The following HIKESHI variants were observed in gnomAD, a reference collection of about 807,000 sequenced individuals.
HIKESHI encodes heat shock protein nuclear import factor hikeshi.
HIKESHI carries 13 observed loss-of-function variants against 25.7 expected under a neutral mutation model. The observed-to-expected ratio is 0.51, with a 90% CI of 0.33 to 0.80. The LOEUF (loss-of-function observed/expected upper bound fraction) is 0.80. Ranked by LOEUF, HIKESHI falls within the 30% of genes least tolerant of loss-of-function variation. The pLI is 0.02. For missense variants in HIKESHI, 174 were observed against 229.5 expected (o/e 0.76, Z 1.56); for synonymous variants, 76 against 78.7 (o/e 0.97, Z 0.18).
Position 86,338,637 on chromosome 11 carries a change from C to A in HIKESHI, c.420+1107C>A, listed in dbSNP as rs376986579. 3.9e-5 allele frequency among the ~76,000 whole-genome samples: 6 copies of A among 152,302 alleles called. No homozygotes were observed. The East Asian group carries it at 1.2e-3, about 29-fold the overall frequency. On this transcript the variant is annotated intron_variant, in intron 3 of 4. Transcript: ENST00000278483. ...ACCATATGTGTTTGCCTGGCAGTACCAGAGGCGCACTTTTGAAGGTTGTGG... is the reference window on the plus strand; with the variant it reads ...ACCATATGTGTTTGCCTGGCAGTACAAGAGGCGCACTTTTGAAGGTTGTGG...
At chr11:86,307,810 A>G (rs1388227813) in intron 2 of HIKESHI, among the ~76,000 whole-genome samples, 1 of 119,188 alleles carries the variant, frequency 8.4e-6, no homozygotes, top group Non-Finnish European at 1.6e-5. Context: ...TATATAAAAT[A>G]TATATTATGT....
At chr11:86,338,181 C>A (rs1947621201) in intron 3 of HIKESHI, among the ~76,000 whole-genome samples, 1 of 152,126 alleles carries the variant, frequency 6.6e-6, no homozygotes, top group Non-Finnish European at 1.5e-5. Context: ...ATTTTCCCTT[C>A]CCCTCCACTC....
At chr11:86,338,460 G>A (rs1160869909) in intron 3 of HIKESHI, among the ~76,000 whole-genome samples, 5 of 152,196 alleles carry the variant, frequency 3.3e-5, no homozygotes, top group Non-Finnish European at 7.3e-5. Flanking sequence ...TAGATGTGGT[G>A]ATGAGAACTT....
At chr11:86,307,415 T>C (rs1198871294) in intron 2 of HIKESHI, among the ~76,000 whole-genome samples, 1 of 133,488 alleles carries the variant, frequency 7.5e-6, no homozygotes, top group East Asian at 2.2e-4. Context: ...TATATATCAA[T>C]ATATTATGTG....
At chr11:86,315,978 T>TA (rs1010402442) in intron 2 of HIKESHI, among the ~76,000 whole-genome samples, 12 of 151,856 alleles carry the variant, frequency 7.9e-5, no homozygotes, top group African/African-American at 2.9e-4. Flanking sequence ...GTAATCCTAT[T>TA]AAAAATGTAA....
chr11:86,319,261 C>G (rs1178954220), intron 2 of HIKESHI, among the ~76,000 whole-genome samples: 1 of 68,556 alleles, frequency 1.5e-5, no homozygotes, highest in East Asian at 7.7e-4. Context: ...TTTTTTGAGA[C>G]CAGTCTCACT....
chr11:86,320,053 C>T (rs1444781664), intron 2 of HIKESHI, among the ~76,000 whole-genome samples: 1 of 152,130 alleles, frequency 6.6e-6, no homozygotes, highest in Non-Finnish European at 1.5e-5. Context: ...TTCATTCTTT[C>T]TCTTTATGTA....
intron 4 of HIKESHI, 142 bp downstream of exon 4, chr11:86,344,863 A>G (rs1463080357): frequency 1.2e-5 from 7 of 568,420 alleles, no homozygotes; most frequent in African/African-American, 3.8e-5. Flanking sequence ...AGTATGTACT[A>G]TAGAGATCTG....
intron 2 of HIKESHI, among the ~76,000 whole-genome samples, chr11:86,315,345 A>G (rs1299861720): frequency 7.0e-6 from 1 of 142,648 alleles, no homozygotes; most frequent in East Asian, 2.1e-4. Context: ...TTTTTGAGTC[A>G]GTTTCGCTCT....
intron 1 of HIKESHI, among the ~76,000 whole-genome samples, chr11:86,304,855 C>T (rs1946581358): frequency 1.3e-5 from 2 of 151,610 alleles, no homozygotes; most frequent in Non-Finnish European, 2.9e-5. Flanking sequence ...ATGAGTATGT[C>T]CATGAATGAC....
intron 3 of HIKESHI, among the ~76,000 whole-genome samples, chr11:86,340,380 C>T (rs896351298): frequency 2.6e-5 from 4 of 152,140 alleles, no homozygotes; most frequent in Non-Finnish European, 4.4e-5. Flanking sequence ...AGTGTAAAAG[C>T]GTTCCTATTT....
At chr11:86,336,648 T>G (rs1317239100) in intron 2 of HIKESHI, among the ~76,000 whole-genome samples, 1 of 152,230 alleles carries the variant, frequency 6.6e-6, no homozygotes, top group African/African-American at 2.4e-5. Flanking sequence ...TGTTTTGTTA[T>G]AGCAGCCTGA....
chr11:86,335,384 T>C (rs1947528239), intron 2 of HIKESHI, among the ~76,000 whole-genome samples: 1 of 152,150 alleles, frequency 6.6e-6, no homozygotes, highest in Admixed American at 6.5e-5. Flanking sequence ...AGGTTGGGAA[T>C]GAGATGCTTT....
At chr11:86,339,986 T>G (rs890295094) in intron 3 of HIKESHI, among the ~76,000 whole-genome samples, 2 of 150,514 alleles carry the variant, frequency 1.3e-5, no homozygotes, top group African/African-American at 2.5e-5. Flanking sequence ...CACCTATGAG[T>G]GAGGACATGC....
intron 2 of HIKESHI, among the ~76,000 whole-genome samples, chr11:86,329,834 A>C (rs549983742): frequency 2.0e-5 from 3 of 152,074 alleles, no homozygotes; most frequent in Non-Finnish European, 4.4e-5. Flanking sequence ...TAGTGTTTAC[A>C]TGCTATATTT....
At position 86,337,604 on chromosome 11, in the gene HIKESHI, C is replaced by T. The variant is rs577150879; in HGVS notation, c.420+74C>T. ...TAAGGTATAATATACAAGTTAAAAT[C>T]GTAACTTAGGGTATACAATGTGATG... On this transcript the variant is annotated intron_variant, in intron 3 of 4. Coordinates refer to ENST00000278483, the MANE Select transcript of HIKESHI (RefSeq NM_016401.4). The T allele has an allele frequency of 3.7e-4, 518 of 1,412,054 alleles. 8 individuals are homozygous for T. The South Asian group carries it at 6.6e-3, about 18-fold the overall frequency. 87.5% of individuals were successfully genotyped at this position (1,412,054 alleles called of 1,614,324 possible). A position where few individuals can be genotyped will look rare whatever the true frequency, so the allele number is the denominator to read the frequency against.
chr11:86,332,137 AT>A (rs1306218006), intron 2 of HIKESHI, among the ~76,000 whole-genome samples: 1 of 150,774 alleles, frequency 6.6e-6, no homozygotes, highest in Admixed American at 6.6e-5. Flanking sequence ...ACTTATTTTT[AT>A]TTTTTTTAGT....
At chr11:86,339,653 AC>A (rs1947667983) in intron 3 of HIKESHI, among the ~76,000 whole-genome samples, 1 of 152,234 alleles carries the variant, frequency 6.6e-6, no homozygotes, top group Non-Finnish European at 1.5e-5. Flanking sequence ...TATGTATAGT[AC>A]TATCTGTATC....
chr11:86,304,726 G>C (rs1025933589), intron 1 of HIKESHI, among the ~76,000 whole-genome samples: 47 of 152,118 alleles, frequency 3.1e-4, no homozygotes, highest in African/African-American at 1.1e-3. Context: ...ATGTTGGCCA[G>C]GCTGATCTGG....
Sources: allele counts gnomAD v4.1 joint callset (sites outside exome capture counted in the v4.1 genomes callset), GRCh38; gene constraint gnomAD v4.1.1; transcripts MANE v1.5; gene names NCBI Gene and HGNC (gene_info 2026-07-23, HGNC 2026-07-21).